The following CYFIP2 variants were observed in gnomAD, a reference collection of about 807,000 sequenced individuals.
CYFIP2 encodes cytoplasmic FMR1-interacting protein 2.
Under a neutral mutation model 158.7 loss-of-function variants are expected in CYFIP2, and 29 were observed. That is an observed-to-expected ratio of 0.18 (90% CI 0.14 to 0.25). The LOEUF is 0.25. CYFIP2 is among the 10% of genes least tolerant of loss of function. CYFIP2 has a pLI of 1.00. For missense variants in CYFIP2, 852 were observed against 1,639.5 expected (o/e 0.52, Z 8.29); for synonymous variants, 585 against 617.6 (o/e 0.95, Z 0.78).
chr5:157,342,634 G>A (rs1156653925), intron 23 of CYFIP2: 8 of 468,776 alleles, frequency 1.7e-5, no homozygotes, highest in South Asian at 1.7e-4. Context: ...TGTGTCCTCC[G>A]AGTGGACGCT....
intron 23 of CYFIP2, among the ~76,000 whole-genome samples, chr5:157,352,841 A>G (rs1160072778): frequency 5.3e-5 from 8 of 152,326 alleles, no homozygotes; most frequent in South Asian, 2.1e-4. Flanking sequence ...TGGGTCCTAC[A>G]TGCTATCGTA....
At chr5:157,335,773 A>C (rs929309508) in intron 21 of CYFIP2, among the ~76,000 whole-genome samples, 2 of 152,150 alleles carry the variant, frequency 1.3e-5, no homozygotes, top group African/African-American at 4.8e-5. Flanking sequence ...CTTTATGCCA[A>C]ATGGTTAGCA....
In CYFIP2 at chr5:157,311,538, T is replaced by TG. The variant is rs945689851; in HGVS notation, c.993-123dup. 1 of 736,730 alleles carries TG rather than the reference T, an allele frequency of 1.4e-6. No individual in the cohort carries two copies. The highest frequency in any genetic ancestry group is 2.3e-6 in the Non-Finnish European group (1 of 440,598). The allele number at this position is 736,730 out of a possible 1,614,324, so 45.6% of individuals were successfully genotyped here. Reference sequence around the variant, plus strand: ...TAGCAGGCTTTCTTGCTGAGGCGGCTGGGATACCATTTGGTGTCACCCAGG... The same window carrying TG: ...TAGCAGGCTTTCTTGCTGAGGCGGCTGGGGATACCATTTGGTGTCACCCAGG... On this transcript the variant is annotated intron_variant, in intron 10 of 30. Coordinates refer to ENST00000620254, the MANE Select transcript of CYFIP2 (RefSeq NM_001037333.3). This position sits in a 1 kb window ranked among gnomAD's most constrained non-coding sequence, Gnocchi z 4.7.
intron 5 of CYFIP2, among the ~76,000 whole-genome samples, chr5:157,298,509 A>AT (rs34331931): frequency 9.7e-5 from 14 of 143,596 alleles, no homozygotes; most frequent in East Asian, 4.0e-4. Context: ...CTACTTTTGT[A>AT]TTTTTTTTTT....
At chr5:157,286,167 G>T (rs73302162) in intron 2 of CYFIP2, among the ~76,000 whole-genome samples, 2,965 of 152,104 alleles carry the variant, frequency 0.019, 103 homozygotes, top group African/African-American at 0.069. Flanking sequence ...ATGCTTGAAG[G>T]TTCGGCCCAT....
In CYFIP2 at chr5:157,382,674, C is replaced by T; in HGVS notation, c.3112+12C>T. The T allele has an allele frequency of 6.2e-7, 1 of 1,613,320 alleles. No homozygotes were observed. Among genetic ancestry groups the T allele is most frequent in the Non-Finnish European group, 8.5e-7 (1 of 1,179,410 alleles). On this transcript the variant is annotated intron_variant, in intron 27 of 30. Transcript: ENST00000620254. ...AGTCTACATCAAAGGTAAGAAACCA[C>T]TACAGCAGCTGAATAGCCAACTGGC... is the stretch of plus-strand genomic sequence containing the variant.
chr5:157,287,487 T>G (rs1278255762), intron 3 of CYFIP2, among the ~76,000 whole-genome samples: 1 of 152,228 alleles, frequency 6.6e-6, no homozygotes, highest in Non-Finnish European at 1.5e-5. Context: ...AAAGGGACAT[T>G]GGCTTTGGTT....
chr5:157,288,824 T>C (rs13358909), intron 3 of CYFIP2, among the ~76,000 whole-genome samples: 15,448 of 152,122 alleles, frequency 0.1, 828 homozygotes, highest in Middle Eastern at 0.15. Flanking sequence ...CAAACAAAAA[T>C]ACACGAAGTT....
intron 19 of CYFIP2, among the ~76,000 whole-genome samples, chr5:157,329,673 A>G (rs529647765): frequency 2.0e-5 from 3 of 152,250 alleles, no homozygotes; most frequent in Admixed American, 6.5e-5. Context: ...TAATTTTGAC[A>G]TACACTCAAT....
chr5:157,277,935 G>A (rs7726491), intron 1 of CYFIP2, among the ~76,000 whole-genome samples: 108 of 152,194 alleles, frequency 7.1e-4, no homozygotes, highest in African/African-American at 2.5e-3. Flanking sequence ...TGTACGGCAT[G>A]TTCTTGTACT....
chr5:157,294,881 T>C (rs1758126731), intron 4 of CYFIP2, 21 bp downstream of exon 4: 1 of 1,605,646 alleles, frequency 6.2e-7, no homozygotes, highest in Non-Finnish European at 8.5e-7. Flanking sequence ...CCTTGTTGTG[T>C]GTCTCTTTCC....
chr5:157,345,649 T>TTCTC (rs1032871045), intron 23 of CYFIP2: 19 of 152,814 alleles, frequency 1.2e-4, no homozygotes, highest in African/African-American at 4.3e-4. Flanking sequence ...TCCGTGTTGT[T>TTCTC]TCTCTCAACA....
Position 157,300,703 on chromosome 5 carries a change from C to G in CYFIP2, c.388-12C>G. ...GCACAGTGGACCTTACTCACTGCCC[C>G]TCTGCCCCCAGCGCAAGGCCATCGA... On this transcript the variant is annotated splice_polypyrimidine_tract_variant and intron_variant, in intron 5 of 30. Transcript: ENST00000620254. The G allele has an allele frequency of 6.4e-7, 1 of 1,568,938 alleles. No individual in the cohort carries two copies. The highest frequency in any genetic ancestry group is 8.7e-7 in the Non-Finnish European group (1 of 1,155,798).
intron 6 of CYFIP2, among the ~76,000 whole-genome samples, chr5:157,301,777 A>T (rs1248534817): frequency 6.6e-6 from 1 of 152,098 alleles, no homozygotes; most frequent in Non-Finnish European, 1.5e-5. Context: ...TTTAAATTAA[A>T]ACAAAAAAGA....
At position 157,319,677 on chromosome 5, in the gene CYFIP2, G is replaced by A. The variant is rs749266937; in HGVS notation, c.1357-85G>A. On this transcript the variant is annotated intron_variant, in intron 13 of 30. Coordinates refer to ENST00000620254, the MANE Select transcript of CYFIP2 (RefSeq NM_001037333.3). ...CATGCCTCTGGACATCTCACTCCCC[G>A]CCTCCCCTGGCAGGGCGGTGATGGG... 2.4e-4 allele frequency: 360 copies of A among 1,521,168 alleles called. 2 individuals carry two copies. The highest frequency in any genetic ancestry group is 4.3e-4 in the Middle Eastern group (2 of 4,612). The allele number at this position is 1,521,168 out of a possible 1,614,324, so 94.2% of individuals were successfully genotyped here. A position where few individuals can be genotyped will look rare whatever the true frequency, so the allele number is the denominator to read the frequency against.
intron 12 of CYFIP2, 130 bp downstream of exon 12, chr5:157,314,593 T>A: frequency 7.6e-7 from 1 of 1,316,258 alleles, no homozygotes; most frequent in Non-Finnish European, 1.0e-6. Flanking sequence ...ATTTACCCAT[T>A]TAAAGTATAA....
chr5:157,268,986 A>C (rs922983302), intron 1 of CYFIP2, among the ~76,000 whole-genome samples: 1 of 152,214 alleles, frequency 6.6e-6, no homozygotes, highest in Non-Finnish European at 1.5e-5. Context: ...TGCTTAGCAC[A>C]TAGTAAGTAC....
At chr5:157,368,902 GTTT>G (rs57932474) in intron 26 of CYFIP2, among the ~76,000 whole-genome samples, 1 of 143,294 alleles carries the variant, frequency 7.0e-6, no homozygotes. Flanking sequence ...TTGTTTTTTT[GTTT>G]TTTTTTTTTT....
At chr5:157,270,522 C>G (rs1281606314) in intron 1 of CYFIP2, among the ~76,000 whole-genome samples, 2 of 152,156 alleles carry the variant, frequency 1.3e-5, no homozygotes, top group Non-Finnish European at 2.9e-5. Flanking sequence ...AAGGAATATC[C>G]GAGAACTATT....
Sources: allele counts gnomAD v4.1 joint callset (sites outside exome capture counted in the v4.1 genomes callset), GRCh38; gene constraint gnomAD v4.1.1; non-coding constraint Gnocchi (gnomAD v3.1); transcripts MANE v1.5; gene names NCBI Gene and HGNC (gene_info 2026-07-23, HGNC 2026-07-21).